The following COL5A2 variants were observed in gnomAD, a reference collection of about 807,000 sequenced individuals.
The protein encoded by COL5A2 is collagen alpha-2(V) chain.
Under a neutral mutation model 208.2 loss-of-function variants are expected in COL5A2, and 23 were observed. The ratio of observed to expected loss-of-function variants is 0.11; its 90% CI spans 0.08 to 0.16. COL5A2 has a LOEUF of 0.16. Among genes scored for constraint, COL5A2 ranks in the 10% least tolerant of loss-of-function variants. The pLI is 1.00. For missense variants in COL5A2, 1,590 were observed against 1,956.4 expected (o/e 0.81, Z 3.53); for synonymous variants, 625 against 628.5 (o/e 0.99, Z 0.08).
chr2:189,372,936 C>A, the COL5A2 span, among the ~76,000 whole-genome samples: 4 of 152,138 alleles, frequency 2.6e-5, no homozygotes, highest in African/African-American at 9.7e-5. Context: ...CATGAACTCA[C>A]ACCTCTCTCA....
the COL5A2 span, among the ~76,000 whole-genome samples, chr2:189,298,003 G>A: frequency 6.6e-6 from 1 of 152,086 alleles, no homozygotes; most frequent in Non-Finnish European, 1.5e-5. Flanking sequence ...ATGTAAAGTT[G>A]CAATCTCAAA....
rs532291296 is a variant in COL5A2, at chr2:189,147,078, G to C, written c.97+32430C>G. Among the ~76,000 whole-genome samples the C allele has an allele frequency of 3.9e-5, 6 of 152,228 alleles. No homozygotes were observed. In the South Asian group the frequency reaches 1.2e-3, roughly 32 times the overall value. On this transcript the variant is annotated intron_variant, in intron 1 of 53. Transcript: ENST00000374866. ...CCAAAGAAATCCTAAATATAAAATT[G>C]TATTATTGGGGTAATACTAAAAGAA...
chr2:189,263,918 T>C, the COL5A2 span, among the ~76,000 whole-genome samples: 2 of 152,098 alleles, frequency 1.3e-5, no homozygotes, highest in East Asian at 3.8e-4. Context: ...AAGTGACACA[T>C]AACTATACTT....
intron 1 of COL5A2, among the ~76,000 whole-genome samples, chr2:189,206,722 A>C (rs1171002823): frequency 6.6e-6 from 1 of 152,066 alleles, no homozygotes; most frequent in Non-Finnish European, 1.5e-5. Context: ...GCTTGAGATC[A>C]ATAAAATATG....
chr2:189,110,696 C>T (rs1687243368), intron 1 of COL5A2, among the ~76,000 whole-genome samples: 1 of 151,984 alleles, frequency 6.6e-6, no homozygotes, highest in Non-Finnish European at 1.5e-5. Context: ...TATTTTTTAA[C>T]CAGATAATGC....
intron 1 of COL5A2, among the ~76,000 whole-genome samples, chr2:189,167,014 A>T (rs552674869): frequency 7.2e-5 from 11 of 152,350 alleles, no homozygotes; most frequent in Admixed American, 1.3e-4. Flanking sequence ...GCTTAGTGCA[A>T]AACACTGGAA....
chr2:189,394,925 T>C, the COL5A2 span, among the ~76,000 whole-genome samples: 1 of 152,362 alleles, frequency 6.6e-6, no homozygotes, highest in East Asian at 1.9e-4. Context: ...ACATACTTTA[T>C]TTTAATCATT....
At chr2:189,132,684 G>T (rs187640364) in intron 1 of COL5A2, among the ~76,000 whole-genome samples, 223 of 152,238 alleles carry the variant, frequency 1.5e-3, no homozygotes, top group African/African-American at 5.0e-3. Context: ...ACTTTGGAAA[G>T]CCGAGGTGGG....
At chr2:189,308,418 A>G in the COL5A2 span, among the ~76,000 whole-genome samples, 22,561 of 152,126 alleles carry the variant, frequency 0.15, 1,980 homozygotes, top group South Asian at 0.21. Flanking sequence ...GAAAGAAATC[A>G]AAGTATTTTA....
At chr2:189,258,232 T>C in the COL5A2 span, among the ~76,000 whole-genome samples, 731 of 152,366 alleles carry the variant, frequency 4.8e-3, 9 homozygotes, top group African/African-American at 0.017. Flanking sequence ...ATTTATGTTG[T>C]GAAGTTAATT....
chr2:189,274,014 A>G, the COL5A2 span, among the ~76,000 whole-genome samples: 1 of 152,112 alleles, frequency 6.6e-6, no homozygotes, highest in African/African-American at 2.4e-5. Flanking sequence ...ACCACAAAAA[A>G]AAAATGATAA....
intron 42 of COL5A2, 101 bp from the exon 43 acceptor site, chr2:189,050,777 GA>G: frequency 1.0e-6 from 1 of 972,194 alleles, no homozygotes; most frequent in Non-Finnish European, 1.6e-6. Context: ...TTTTCAGTAT[GA>G]AAAAGAAGTT....
the COL5A2 span, among the ~76,000 whole-genome samples, chr2:189,251,190 TAA>T: frequency 5.3e-5 from 8 of 151,996 alleles, no homozygotes; most frequent in Non-Finnish European, 2.9e-5. Context: ...ATTATAATAA[TAA>T]AGTTAGAAAA....
chr2:189,064,392 A>C (rs1686100049), intron 25 of COL5A2, among the ~76,000 whole-genome samples, 165 bp downstream of exon 25: 1 of 152,214 alleles, frequency 6.6e-6, no homozygotes, highest in Non-Finnish European at 1.5e-5. Flanking sequence ...TAAAAATAAC[A>C]AACCAGTATT....
Position 189,032,500 on chromosome 2 carries a change from A to C in COL5A2, c.*1570T>G, listed in dbSNP as rs1212962169. On this transcript the variant is annotated 3_prime_UTR_variant, in exon 54 of 54. Transcript: ENST00000374866. ...TCTAATATGGTCAAAGGAATTTCAC[A>C]AAACAAAAACCACTGACATGACAAA... The C allele has an allele frequency of 6.6e-6, 1 of 152,200 alleles. No homozygotes were observed. Among genetic ancestry groups the C allele is most frequent in the African/African-American group, 2.4e-5 (1 of 41,456 alleles). The allele number at this position is 152,200 out of a possible 1,614,324, so 9.4% of individuals were successfully genotyped here.
chr2:189,239,692 C>T, the COL5A2 span, among the ~76,000 whole-genome samples: 28 of 151,240 alleles, frequency 1.9e-4, no homozygotes, highest in African/African-American at 6.6e-4. Context: ...ATGGGTGCAG[C>T]ACACCAGCAT....
the COL5A2 span, among the ~76,000 whole-genome samples, chr2:189,369,013 A>C: frequency 6.6e-6 from 1 of 152,214 alleles, no homozygotes; most frequent in Non-Finnish European, 1.5e-5. Flanking sequence ...TGCCATGAGA[A>C]TGTGTCCTGC....
At chr2:189,430,158 A>G in the COL5A2 span, among the ~76,000 whole-genome samples, 1 of 152,190 alleles carries the variant, frequency 6.6e-6, no homozygotes, top group African/African-American at 2.4e-5. Context: ...CTGCCCAAGA[A>G]TGTTTAGGGA....
chr2:189,368,061 T>C, the COL5A2 span, among the ~76,000 whole-genome samples: 1 of 152,230 alleles, frequency 6.6e-6, no homozygotes, highest in Non-Finnish European at 1.5e-5. Flanking sequence ...ATTTTTATTA[T>C]ATAAACATAT....
Sources: allele counts gnomAD v4.1 joint callset (sites outside exome capture counted in the v4.1 genomes callset), GRCh38; gene constraint gnomAD v4.1.1; transcripts MANE v1.5; gene names NCBI Gene and HGNC (gene_info 2026-07-23, HGNC 2026-07-21).